TRPC6: variants seen among roughly 807,000 people sequenced by gnomAD.
TRPC6 encodes the protein short transient receptor potential channel 6.
Under a neutral mutation model 90.7 loss-of-function variants are expected in TRPC6, and 55 were observed. The observed-to-expected ratio is 0.61, with a 90% confidence interval of 0.49 to 0.76. The LOEUF is 0.76. TRPC6 is among the 30% of genes least tolerant of loss of function. The pLI is 0.00. For missense variants in TRPC6, 989 were observed against 1,122.7 expected (o/e 0.88, Z 1.70); for synonymous variants, 393 against 393.0 (o/e 1.00, Z 0.00).
intron 1 of TRPC6, among the ~76,000 whole-genome samples, chr11:101,527,929 T>A (rs1443783811): frequency 6.6e-6 from 1 of 151,966 alleles, no homozygotes; most frequent in Non-Finnish European, 1.5e-5. Flanking sequence ...AAAAATTAGC[T>A]GGGCATAGTG....
intron 10 of TRPC6, among the ~76,000 whole-genome samples, chr11:101,468,277 G>C (rs1022659588): frequency 2.6e-5 from 4 of 152,150 alleles, no homozygotes; most frequent in African/African-American, 9.7e-5. Context: ...AATGGCTTAG[G>C]GTTCCCCTTA....
At chr11:101,480,523 T>C (rs568030852) in intron 5 of TRPC6, among the ~76,000 whole-genome samples, 26 of 152,048 alleles carry the variant, frequency 1.7e-4, no homozygotes, top group Non-Finnish European at 2.9e-5. Context: ...TTCTTTACCA[T>C]AAATCATTCT....
chr11:101,466,150 G>A (rs533652347), intron 10 of TRPC6, among the ~76,000 whole-genome samples: 5 of 152,222 alleles, frequency 3.3e-5, no homozygotes, highest in South Asian at 2.1e-4. Flanking sequence ...TTGAATCTTC[G>A]TCCCAAAGGG....
intron 1 of TRPC6, among the ~76,000 whole-genome samples, chr11:101,537,882 T>G (rs1039569020): frequency 6.6e-6 from 1 of 152,216 alleles, no homozygotes; most frequent in African/African-American, 2.4e-5. Flanking sequence ...ATGTGTCTGA[T>G]GTTTGTCATT....
At chr11:101,465,867 G>A (rs954077541) in intron 10 of TRPC6, among the ~76,000 whole-genome samples, 1 of 152,140 alleles carries the variant, frequency 6.6e-6, no homozygotes, top group African/African-American at 2.4e-5. Context: ...AGGTGAAGAG[G>A]CATTCTGGTT....
At chr11:101,524,317 C>T (rs888313418) in intron 1 of TRPC6, among the ~76,000 whole-genome samples, 4 of 152,136 alleles carry the variant, frequency 2.6e-5, no homozygotes, top group Non-Finnish European at 5.9e-5. Flanking sequence ...GGCACGATCT[C>T]GGCTCACTGC....
chr11:101,572,946 G>A (rs1591148510), intron 1 of TRPC6, among the ~76,000 whole-genome samples: 2 of 151,940 alleles, frequency 1.3e-5, no homozygotes, highest in Non-Finnish European at 1.5e-5. Context: ...ACCATGGCAT[G>A]TGTATACCTA....
Position 101,583,374 on chromosome 11 carries a change from GGCAGCC to G in TRPC6, c.124_129del (p.Gly42_Cys43del). 1.3e-6 allele frequency: 2 copies of G among 1,594,158 alleles called. No homozygotes were observed. Among genetic ancestry groups the G allele is most frequent in the Non-Finnish European group, 1.7e-6 (2 of 1,170,718 alleles). ...CCGTAGCAAGGCAGCGGGGCTTGCG[GGCAGCC>G]GTCTTCTCCCAGCTCCGAGTCCATG... On this transcript the variant is annotated inframe_deletion, in exon 1 of 13. Transcript: ENST00000344327.
chr11:101,486,625 G>A (rs1859685176), intron 4 of TRPC6, among the ~76,000 whole-genome samples: 1 of 151,998 alleles, frequency 6.6e-6, no homozygotes, highest in South Asian at 2.1e-4. Context: ...AAAACAAAAG[G>A]GATTTCGGAA....
At position 101,460,207 on chromosome 11, in the gene TRPC6, T is replaced by C. The variant is rs115709804; in HGVS notation, c.2485-5106A>G. ...GTTATACGTAGTCAACTGTATATTA[T>C]ATGAAGTCAGTACATGTACCCCTTG... is the stretch of plus-strand genomic sequence containing the variant. On this transcript the variant is annotated intron_variant, in intron 10 of 12. Coordinates refer to ENST00000344327, the MANE Select transcript of TRPC6 (RefSeq NM_004621.6). Among the ~76,000 whole-genome samples, 7 of 152,300 alleles carry C rather than the reference T, an allele frequency of 4.6e-5. No individual in the cohort carries two copies. In the East Asian group the frequency reaches 1.2e-3, roughly 25 times the overall value.
intron 1 of TRPC6, among the ~76,000 whole-genome samples, chr11:101,555,737 C>G (rs1177243907): frequency 6.6e-6 from 1 of 151,996 alleles, no homozygotes; most frequent in Non-Finnish European, 1.5e-5. Context: ...GAGAACTAGT[C>G]ATTTTTTTTC....
intron 10 of TRPC6, among the ~76,000 whole-genome samples, chr11:101,468,082 C>T (rs184713555): frequency 2.0e-5 from 3 of 152,316 alleles, no homozygotes; most frequent in South Asian, 2.1e-4. Context: ...TGACCAGGGA[C>T]GATTTCCACT....
intron 1 of TRPC6, among the ~76,000 whole-genome samples, chr11:101,531,226 T>C (rs1431593676): frequency 2.6e-5 from 4 of 152,172 alleles, no homozygotes; most frequent in Admixed American, 1.3e-4. Context: ...TTTTTGTCAA[T>C]TACACCCTAA....
In TRPC6 at chr11:101,503,877, GATTATA is replaced by G. The variant is rs1860191358; in HGVS notation, c.945+141_945+146del. ...TAGCGATCACAACTTTTGCTACAAT[GATTATA>G]ATAAAGAGCTTGTTGAATAAACTTA... On this transcript the variant is annotated intron_variant, in intron 2 of 12. Coordinates refer to ENST00000344327, the MANE Select transcript of TRPC6 (RefSeq NM_004621.6). 9 of 1,010,188 alleles carry G rather than the reference GATTATA, an allele frequency of 8.9e-6. No homozygotes were observed. The South Asian group carries it at 1.3e-4, about 14-fold the overall frequency. 62.6% of individuals were successfully genotyped at this position (1,010,188 alleles called of 1,614,324 possible). A position where few individuals can be genotyped will look rare whatever the true frequency, so the allele number is the denominator to read the frequency against.
rs189106415 is a variant in TRPC6, at chr11:101,462,471, C to T, written c.2484+6956G>A. Reference sequence around the variant, plus strand: ...GGAACGATTTTCCATTTGTTTAAGTCGTCTCTTATTTCCTTGAGCAGTGGT... The same window carrying T: ...GGAACGATTTTCCATTTGTTTAAGTTGTCTCTTATTTCCTTGAGCAGTGGT... On this transcript the variant is annotated intron_variant, in intron 10 of 12. Coordinates refer to ENST00000344327, the MANE Select transcript of TRPC6 (RefSeq NM_004621.6). Among the ~76,000 whole-genome samples the T allele has an allele frequency of 5.1e-3, 774 of 152,202 alleles. 10 individuals carry two copies. Among genetic ancestry groups the T allele is most frequent in the African/African-American group, 0.018 (737 of 41,528 alleles).
At chr11:101,551,652 G>A (rs1668979786) in intron 1 of TRPC6, among the ~76,000 whole-genome samples, 1 of 151,586 alleles carries the variant, frequency 6.6e-6, no homozygotes, top group African/African-American at 2.4e-5. Context: ...AATTATCTCT[G>A]CCAATTAATG....
chr11:101,504,749 C>T lies in TRPC6; in HGVS notation c.220G>A (p.Glu74Lys). Residue 74 changes from glutamate (E) to lysine (K), a missense_variant, in exon 2 of 13, where the codon GAG (glutamate) becomes AAG (lysine). Transcript: ENST00000344327. ...CGATTAGCTAACCTTCTCCCCTTCT[C>T]ACGGAGAACTGTCTGCCGCCGGTGA... ...LAHRRQTVLR[E>K]KGRRLANRGP... 2 of 1,603,664 alleles carry T rather than the reference C, an allele frequency of 1.2e-6. No individual in the cohort carries two copies. Among genetic ancestry groups the T allele is most frequent in the Non-Finnish European group, 8.5e-7 (1 of 1,175,100 alleles).
At chr11:101,478,139 GC>G (rs36076143) in intron 5 of TRPC6, among the ~76,000 whole-genome samples, 1 of 152,196 alleles carries the variant, frequency 6.6e-6, no homozygotes, top group African/African-American at 2.4e-5. Flanking sequence ...TAGCTGCAGA[GC>G]CCTGTGGGGA....
chr11:101,458,337 G>A (rs369810241), intron 10 of TRPC6, among the ~76,000 whole-genome samples: 1 of 152,154 alleles, frequency 6.6e-6, no homozygotes, highest in Non-Finnish European at 1.5e-5. Context: ...GAATGAAATA[G>A]TCAGTGATTC....
Sources: gnomAD v4.1 joint callset for allele counts (sites outside exome capture counted in the v4.1 genomes callset) on GRCh38, gnomAD v4.1.1 for gene constraint, MANE v1.5 for transcripts, NCBI Gene and HGNC (gene_info 2026-07-23, HGNC 2026-07-21) for gene names.